CCDC7: variants seen among roughly 807,000 people sequenced by gnomAD.
CCDC7 encodes coiled-coil domain-containing protein 7.
CCDC7 carries 183 observed loss-of-function variants against 196.9 expected under a neutral mutation model. The observed-to-expected ratio is 0.93, with a 90% CI of 0.82 to 1.05. CCDC7 has a LOEUF of 1.05. Ranked by LOEUF, CCDC7 falls within the 50% of genes least tolerant of loss-of-function variation. The pLI is 0.00. For synonymous variants in CCDC7, 525 were observed against 484.6 expected (o/e 1.08, Z -1.10); for missense variants, 1,540 against 1,482.2 (o/e 1.04, Z -0.64).
chr10:32,452,331 A>G (rs186598810), intron 1 of CCDC7, among the ~76,000 whole-genome samples: 25 of 152,338 alleles, frequency 1.6e-4, no homozygotes, highest in African/African-American at 6.0e-4. Context: ...AGCTGCTTCT[A>G]TCAGTGAATG....
chr10:32,567,090 ATTAG>A (rs1196533947), intron 14 of CCDC7, among the ~76,000 whole-genome samples: 3 of 146,234 alleles, frequency 2.1e-5, no homozygotes, highest in Non-Finnish European at 4.5e-5. Flanking sequence ...TTATATATAT[ATTAG>A]TTATATTTAG....
chr10:32,650,357 A>G (rs999844872), intron 20 of CCDC7, among the ~76,000 whole-genome samples: 2 of 152,166 alleles, frequency 1.3e-5, no homozygotes, highest in African/African-American at 4.8e-5. Context: ...GCTCTTAACC[A>G]CACATTTCCT....
intron 18 of CCDC7, among the ~76,000 whole-genome samples, chr10:32,609,357 A>G (rs192673998): frequency 6.6e-6 from 1 of 152,214 alleles, no homozygotes; most frequent in East Asian, 1.9e-4. Flanking sequence ...ATTATTATGT[A>G]ATGATCTTCT....
At chr10:32,796,046 C>G (rs1274947531) in intron 29 of CCDC7, among the ~76,000 whole-genome samples, 1 of 152,158 alleles carries the variant, frequency 6.6e-6, no homozygotes, top group Non-Finnish European at 1.5e-5. Flanking sequence ...GTTTTGAGGG[C>G]TAAGGATGAT....
At chr10:32,468,290 G>C (rs1269631882) in intron 5 of CCDC7, among the ~76,000 whole-genome samples, 3 of 152,004 alleles carry the variant, frequency 2.0e-5, no homozygotes, top group Admixed American at 2.0e-4. Context: ...TCCCCTTGTA[G>C]AGATTGTTCA....
intron 20 of CCDC7, among the ~76,000 whole-genome samples, chr10:32,655,384 A>C (rs183322525): frequency 6.6e-6 from 1 of 152,198 alleles, no homozygotes; most frequent in Admixed American, 6.5e-5. Context: ...GTTTCTCACC[A>C]TTTGTTATCT....
chr10:32,717,156 G>A (rs1039615855), intron 25 of CCDC7, among the ~76,000 whole-genome samples: 1 of 152,124 alleles, frequency 6.6e-6, no homozygotes, highest in African/African-American at 2.4e-5. Flanking sequence ...CTCAGCAAAT[G>A]CAAAAGAATG....
At chr10:32,875,074 GTA>G (rs1394964350) in intron 41 of CCDC7, among the ~76,000 whole-genome samples, 9 of 151,782 alleles carry the variant, frequency 5.9e-5, no homozygotes, top group Non-Finnish European at 1.3e-4. Flanking sequence ...TTATGTTTTT[GTA>G]TGTTTCATCA....
chr10:32,494,856 T>C (rs11819057), intron 9 of CCDC7, among the ~76,000 whole-genome samples: 7,967 of 152,254 alleles, frequency 0.052, 688 homozygotes, highest in African/African-American at 0.18. Flanking sequence ...CAATAACATA[T>C]GTGTGCATGT....
chr10:32,818,265 A>C (rs1024233419), intron 31 of CCDC7, among the ~76,000 whole-genome samples: 1 of 152,256 alleles, frequency 6.6e-6, no homozygotes, highest in African/African-American at 2.4e-5. Context: ...TGGTAAAGAG[A>C]TCAATTCAAC....
intron 18 of CCDC7, among the ~76,000 whole-genome samples, chr10:32,630,712 A>C (rs1047336223): frequency 6.6e-6 from 1 of 152,212 alleles, no homozygotes; most frequent in Non-Finnish European, 1.5e-5. Context: ...CAGAATAAAC[A>C]TATTTCTCAG....
chr10:32,821,512 C>T (rs143250066), intron 31 of CCDC7, among the ~76,000 whole-genome samples: 7,178 of 152,148 alleles, frequency 0.047, 221 homozygotes, highest in Middle Eastern at 0.071. Flanking sequence ...CACATGCACG[C>T]GTATGTTTAT....
At chr10:32,590,298 A>G (rs994225849) in intron 18 of CCDC7, among the ~76,000 whole-genome samples, 3 of 151,264 alleles carry the variant, frequency 2.0e-5, no homozygotes, top group Non-Finnish European at 3.0e-5. Flanking sequence ...TAAACTGATG[A>G]TAACTTAACA....
chr10:32,580,642 G>A (rs2058649506), intron 16 of CCDC7, among the ~76,000 whole-genome samples: 1 of 151,970 alleles, frequency 6.6e-6, no homozygotes, highest in African/African-American at 2.4e-5. Context: ...TCCACATGTT[G>A]TATTGTTGCA....
chr10:32,766,439 A>G (rs2078315700), intron 28 of CCDC7, among the ~76,000 whole-genome samples: 1 of 152,042 alleles, frequency 6.6e-6, no homozygotes, highest in African/African-American at 2.4e-5. Flanking sequence ...GGGAAACATG[A>G]TCTTACAGAT....
intron 5 of CCDC7, among the ~76,000 whole-genome samples, chr10:32,466,507 A>C (rs2036834922): frequency 6.6e-6 from 1 of 152,148 alleles, no homozygotes; most frequent in South Asian, 2.1e-4. Flanking sequence ...CCCACTTATA[A>C]GTGAGAACAT....
intron 21 of CCDC7, among the ~76,000 whole-genome samples, chr10:32,675,511 C>T (rs922574705): frequency 6.6e-6 from 1 of 152,074 alleles, no homozygotes; most frequent in Non-Finnish European, 1.5e-5. Context: ...AATACTTTTG[C>T]TTTTAACTTT....
intron 28 of CCDC7, among the ~76,000 whole-genome samples, chr10:32,734,786 A>C (rs1337850837): frequency 6.6e-6 from 1 of 152,044 alleles, no homozygotes; most frequent in Non-Finnish European, 1.5e-5. Flanking sequence ...AATCCCAGCT[A>C]CTTGGGAGGG....
intron 31 of CCDC7, 103 bp from the exon 33 acceptor site, chr10:32,824,415 C>T (rs2090788125): frequency 1.6e-6 from 1 of 634,680 alleles, no homozygotes; most frequent in Admixed American, 2.9e-5. Flanking sequence ...TATAATTCTA[C>T]TCCAATGAAG....
Sources: gnomAD v4.1 joint callset for allele counts (sites outside exome capture counted in the v4.1 genomes callset) on GRCh38, gnomAD v4.1.1 for gene constraint, MANE v1.5 for transcripts, NCBI Gene and HGNC (gene_info 2026-07-23, HGNC 2026-07-21) for gene names.